Variants in SLC1A3 observed in about 807,000 individuals in gnomAD.
SLC1A3 encodes excitatory amino acid transporter 1.
Under a neutral mutation model 48.1 loss-of-function variants are expected in SLC1A3, and 21 were observed. The observed-to-expected ratio is 0.44, with a 90% confidence interval of 0.31 to 0.63. SLC1A3 has a LOEUF of 0.63. SLC1A3 is among the 20% of genes least tolerant of loss of function. The pLI is 0.08. For missense variants in SLC1A3, 546 were observed against 689.0 expected, an observed-to-expected ratio of 0.79 and a Z score of 2.32; for synonymous variants, 239 against 251.4, an observed-to-expected ratio of 0.95 and a Z score of 0.47.
At chr5:36,602,664 T>C (rs1738821402), upstream of SLC1A3, among the ~76,000 whole-genome samples, 1 of 152,230 alleles carries the variant, frequency 6.6e-6, no homozygotes, top group Non-Finnish European at 1.5e-5. Flanking sequence ...GTCCACCTGT[T>C]GGATCACTTG....
rs569081853 is a variant in SLC1A3, at chr5:36,680,663, A to T, written c.1289+74A>T. The T allele has an allele frequency of 2.1e-5, 27 of 1,307,506 alleles. No individual in the cohort carries two copies. In the Admixed American group the frequency reaches 3.7e-4, roughly 18 times the overall value. The allele number at this position is 1,307,506 out of a possible 1,614,324, so 81.0% of individuals were successfully genotyped here. The stretch of plus-strand genomic sequence containing the variant: ...CTGGGCGTGGTGGCTCACGCCTGTA[A>T]TCCTAACACTTTGGGAGGCCAAGGC... On this transcript the variant is annotated intron_variant, in intron 8 of 9. Coordinates refer to ENST00000265113, the MANE Select transcript of SLC1A3 (RefSeq NM_004172.5).
intron 5 of SLC1A3, among the ~76,000 whole-genome samples, chr5:36,676,388 A>G (rs527703503): frequency 7.9e-4 from 121 of 152,368 alleles, no homozygotes; most frequent in African/African-American, 2.7e-3. Context: ...AGGTAGAACC[A>G]GCACAACTGT....
At chr5:36,667,184 A>G (rs1054140493) in intron 3 of SLC1A3, among the ~76,000 whole-genome samples, 4 of 152,192 alleles carry the variant, frequency 2.6e-5, no homozygotes, top group African/African-American at 9.7e-5. Context: ...ACCCTCCATT[A>G]AACATGCTCT....
chr5:36,673,485 C>A (rs1435022311), intron 4 of SLC1A3, among the ~76,000 whole-genome samples: 1 of 152,198 alleles, frequency 6.6e-6, no homozygotes, highest in Non-Finnish European at 1.5e-5. Flanking sequence ...ACAAGTCCTG[C>A]CACATGGGCT....
chr5:36,614,534 C>G (rs1325139338), intron 2 of SLC1A3, among the ~76,000 whole-genome samples: 4 of 152,162 alleles, frequency 2.6e-5, no homozygotes, highest in Non-Finnish European at 5.9e-5. Flanking sequence ...GCCTCCTGAG[C>G]AGAACCAGAA....
At chr5:36,616,604 G>A (rs1247609931) in intron 2 of SLC1A3, among the ~76,000 whole-genome samples, 2 of 152,216 alleles carry the variant, frequency 1.3e-5, no homozygotes, top group Non-Finnish European at 2.9e-5. Context: ...GAAGACAGCC[G>A]GCTGTTAGCG....
At chr5:36,622,305 C>T (rs1216157587) in intron 2 of SLC1A3, among the ~76,000 whole-genome samples, 1 of 152,156 alleles carries the variant, frequency 6.6e-6, no homozygotes, top group African/African-American at 2.4e-5. Context: ...CATCTGAGCT[C>T]CTTTGGGGCA....
In SLC1A3 at chr5:36,679,810, T is replaced by A. The variant is rs773243452; in HGVS notation, c.1044T>A (p.Phe348Leu). ...FLVTRKNPWV[F>L]IGGLLQALIT... ...TAACACGGAAAAACCCTTGGGTTTT[T>A]ATTGGAGGGTTGCTGCAAGCACTCA... is the stretch of plus-strand genomic sequence containing the variant. The change falls in exon 7 of 10, where the codon TTT becomes TTA. Residue 348 changes from phenylalanine (F) to leucine (L), a missense_variant. Physicochemically the swap from Phe to Leu is conservative, Grantham distance 22. Transcript: ENST00000265113. 1.2e-6 allele frequency: 2 copies of A among 1,614,072 alleles called. No homozygotes were observed. Among genetic ancestry groups the A allele is most frequent in the Admixed American group, 1.7e-5 (1 of 60,008 alleles).
chr5:36,658,815 G>A (rs1217488248), intron 3 of SLC1A3, among the ~76,000 whole-genome samples: 1 of 152,086 alleles, frequency 6.6e-6, no homozygotes, highest in Non-Finnish European at 1.5e-5. Flanking sequence ...CCATGGTTGA[G>A]GTTTTTTTCT....
intron 1 of SLC1A3, among the ~76,000 whole-genome samples, chr5:36,599,436 T>G (rs527425043): frequency 4.0e-5 from 6 of 151,812 alleles, no homozygotes; most frequent in Non-Finnish European, 7.4e-5. Flanking sequence ...TCTGTCTCAT[T>G]GCCACCTACG....
chr5:36,650,452 A>C (rs1741015219), intron 3 of SLC1A3, among the ~76,000 whole-genome samples: 1 of 152,070 alleles, frequency 6.6e-6, no homozygotes, highest in South Asian at 2.1e-4. Context: ...TCATACATTG[A>C]ATTTGTTTGA....
At chr5:36,612,075 ACACACACACG>A (rs887562078) in intron 2 of SLC1A3, among the ~76,000 whole-genome samples, 1 of 149,150 alleles carries the variant, frequency 6.7e-6, no homozygotes, top group African/African-American at 2.5e-5. Flanking sequence ...ACGCGCACAC[ACACACACACG>A]CACACACACA....
intron 1 of SLC1A3, among the ~76,000 whole-genome samples, chr5:36,600,780 A>C (rs1180592840): frequency 6.6e-6 from 1 of 152,210 alleles, no homozygotes; most frequent in Non-Finnish European, 1.5e-5. Flanking sequence ...CAGAAGATAG[A>C]ATTTGACTCA....
chr5:36,612,818 G>C (rs568528047), intron 2 of SLC1A3: 17 of 455,910 alleles, frequency 3.7e-5, no homozygotes, highest in Non-Finnish European at 7.1e-5. Flanking sequence ...CCACCATTCC[G>C]GCTCCAGGTG....
chr5:36,673,997 AG>A, intron 4 of SLC1A3, 51 bp from the exon 5 acceptor site: 1 of 1,411,862 alleles, frequency 7.1e-7, no homozygotes, highest in Non-Finnish European at 1.0e-6. Flanking sequence ...GAATTTAAGG[AG>A]CAAACTTATT....
At chr5:36,678,192 T>A (rs913502327) in intron 6 of SLC1A3, among the ~76,000 whole-genome samples, 1 of 152,198 alleles carries the variant, frequency 6.6e-6, no homozygotes, top group Admixed American at 6.5e-5. Flanking sequence ...ACCAACATGA[T>A]TAAAAATGCC....
Position 36,679,828 on chromosome 5 carries a change from A to G in SLC1A3, c.1062A>G (p.Gln354=), listed in dbSNP as rs759758527. The G allele has an allele frequency of 1.2e-6, 2 of 1,614,078 alleles. No homozygotes were observed. The highest frequency in any genetic ancestry group is 1.3e-5 in the African/African-American group (1 of 75,028). Residue 354 remains glutamine (Q), a synonymous_variant, in exon 7 of 10, where the codon CAA becomes CAG. Transcript: ENST00000265113. ...NPWVFIGGLL[Q]ALITALGTSS... is the part of the protein sequence containing the mutation. Reference sequence around the variant, plus strand: ...GGGTTTTTATTGGAGGGTTGCTGCAAGCACTCATCACCGCTCTGGGGACCT... The same window carrying G: ...GGGTTTTTATTGGAGGGTTGCTGCAGGCACTCATCACCGCTCTGGGGACCT...
chr5:36,676,394 A>G (rs1742207322), intron 5 of SLC1A3, among the ~76,000 whole-genome samples: 1 of 152,230 alleles, frequency 6.6e-6, no homozygotes, highest in Admixed American at 6.5e-5. Context: ...AACCAGCACA[A>G]CTGTTCTTGT....
At chr5:36,637,369 A>C (rs1045469969) in intron 3 of SLC1A3, among the ~76,000 whole-genome samples, 1 of 152,228 alleles carries the variant, frequency 6.6e-6, no homozygotes, top group Admixed American at 6.5e-5. Flanking sequence ...AAAGATCAGT[A>C]ATAAAAGGCA....
Sources: gnomAD v4.1 joint callset for allele counts (sites outside exome capture counted in the v4.1 genomes callset) on GRCh38, gnomAD v4.1.1 for gene constraint, MANE v1.5 for transcripts, NCBI Gene and HGNC (gene_info 2026-07-23, HGNC 2026-07-21) for gene names.